Variants in NLGN2 observed in about 807,000 individuals in gnomAD.
NLGN2 encodes the protein neuroligin-2.
NLGN2 carries 11 observed loss-of-function variants against 48.6 expected under a neutral mutation model. The observed-to-expected ratio is 0.23, with a 90% CI of 0.14 to 0.37. NLGN2 has a LOEUF of 0.37. Among genes scored for constraint, NLGN2 ranks in the 10% least tolerant of loss-of-function variants. The pLI is 1.00. For synonymous variants in NLGN2, 548 were observed against 550.0 expected (o/e 1.00, Z 0.05); for missense variants, 801 against 1,225.2 (o/e 0.65, Z 5.17).
intron 5 of NLGN2, 92 bp from the exon 6 acceptor site, chr17:7,415,419 G>C (rs368469729): frequency 2.5e-6 from 3 of 1,190,980 alleles, no homozygotes; most frequent in Non-Finnish European, 3.8e-6. Flanking sequence ...GGTCTTGCAG[G>C]TAGAGGGAAG....
chr17:7,410,700 C>G lies in NLGN2; in HGVS notation c.458-1457C>G, dbSNP rs1031495110. ...ACCCCTGCCCCCACACCACCCTTGCCCACACCTTCTGTATTTTTAGCCACT... is the reference window on the plus strand; with the variant it reads ...ACCCCTGCCCCCACACCACCCTTGCGCACACCTTCTGTATTTTTAGCCACT... On this transcript the variant is annotated intron_variant, in intron 1 of 6. Transcript: ENST00000302926. Among the ~76,000 whole-genome samples, 7 of 152,230 alleles carry G rather than the reference C, an allele frequency of 4.6e-5. No individual in the cohort carries two copies. The East Asian group carries it at 1.3e-3, about 29-fold the overall frequency.
At chr17:7,416,465 T>C (rs908237228) in intron 6 of NLGN2, among the ~76,000 whole-genome samples, 1 of 152,146 alleles carries the variant, frequency 6.6e-6, no homozygotes, top group Admixed American at 6.5e-5. Context: ...TACTTCTGTC[T>C]CTGTCTCTCT....
At chr17:7,407,357 G>T (rs1266703161), upstream of NLGN2, among the ~76,000 whole-genome samples, 1 of 152,144 alleles carries the variant, frequency 6.6e-6, no homozygotes, top group Non-Finnish European at 1.5e-5. Flanking sequence ...AACTTCTGAC[G>T]GAGGAAATGG....
At chr17:7,407,238 C>A (rs1020785020), upstream of NLGN2, among the ~76,000 whole-genome samples, 1 of 152,146 alleles carries the variant, frequency 6.6e-6, no homozygotes, top group Admixed American at 6.5e-5. Flanking sequence ...GGTAACATTG[C>A]GGGGCAGCAT....
In NLGN2 at chr17:7,417,956, C is replaced by A; in HGVS notation, c.*157C>A. 1 of 585,444 alleles carries A rather than the reference C, an allele frequency of 1.7e-6. No individual in the cohort carries two copies. Among genetic ancestry groups the A allele is most frequent in the Non-Finnish European group, 2.5e-6 (1 of 396,642 alleles). 36.3% of individuals were successfully genotyped at this position (585,444 alleles called of 1,614,324 possible). A position where few individuals can be genotyped will look rare whatever the true frequency, so the allele number is the denominator to read the frequency against. On this transcript the variant is annotated 3_prime_UTR_variant, in exon 7 of 7. Transcript: ENST00000302926. ...TGGGATTCCTCCCTGCGATGCGTGTCTTTCCCACGCAGAGAAGCCCAGTCT... is the reference window on the plus strand; with the variant it reads ...TGGGATTCCTCCCTGCGATGCGTGTATTTCCCACGCAGAGAAGCCCAGTCT...
At position 7,417,300 on chromosome 17, in the gene NLGN2, G is replaced by A. The variant is rs1487960148; in HGVS notation, c.2009G>A (p.Arg670Gln). Residue 670 changes from arginine (R) to glutamine (Q), a missense_variant, in exon 7 of 7, where the codon CGG becomes CAG. This residue lies in a region of NLGN2 where 276 missense variants were observed against 313.9 expected (regional missense o/e 0.88). Transcript: ENST00000302926. The stretch of plus-strand genomic sequence containing the variant: ...TATGACCGCTTCCCCGGGGACTCAC[G>A]GGACTACTCCACGGAGCTGAGCGTC... ...RAYDRFPGDS[R>Q]DYSTELSVTV... 1.9e-6 allele frequency: 3 copies of A among 1,605,260 alleles called. No homozygotes were observed. Among genetic ancestry groups the A allele is most frequent in the Non-Finnish European group, 1.7e-6 (2 of 1,177,080 alleles).
rs1475787973 is a variant in NLGN2 at position 7,408,284 on chromosome 17, G to A, written c.29G>A (p.Gly10Glu). 6.7e-6 allele frequency: 9 copies of A among 1,345,836 alleles called. 1 individual carries two copies. Among genetic ancestry groups the A allele is most frequent in the Non-Finnish European group, 8.5e-6 (9 of 1,058,232 alleles). 83.4% of individuals were successfully genotyped at this position (1,345,836 alleles called of 1,614,324 possible). MWLLALCLV[G>E]LAGAQRGGGG... The stretch of plus-strand genomic sequence containing the variant: ...TGGCTCCTGGCGCTGTGTCTGGTGG[G>A]GCTGGCGGGGGCTCAACGCGGGGGA... Residue 10 changes from glycine to glutamate, a missense_variant, in exon 1 of 7, where the codon GGG (glycine) becomes GAG (glutamate). Gly to Glu is a moderately conservative substitution (Grantham distance 98). Transcript: ENST00000302926. This position sits in a 1 kb window ranked among gnomAD's most constrained non-coding sequence, Gnocchi z 7.5.
rs1203675474 is a variant in NLGN2, at chr17:7,408,588, C to T, written c.333C>T (p.His111=). The change falls in exon 1 of 7, where the codon CAC becomes CAT. Residue 111 remains histidine (H), a synonymous_variant. Transcript: ENST00000302926. This position sits in a 1 kb window ranked among gnomAD's most constrained non-coding sequence, Gnocchi z 7.5. ...TLPPACPQNL[H]GALPAIMLPV... ...CGCCCGCCTGCCCGCAGAACCTGCA[C>T]GGGGCGCTGCCCGCCATCATGCTGC... 8.9e-6 allele frequency: 14 copies of T among 1,572,890 alleles called. No homozygotes were observed. Among genetic ancestry groups the T allele is most frequent in the Non-Finnish European group, 1.0e-5 (12 of 1,161,368 alleles).
chr17:7,410,822 G>GCGCA (rs1906852694), intron 1 of NLGN2, among the ~76,000 whole-genome samples: 1 of 151,298 alleles, frequency 6.6e-6, no homozygotes, highest in African/African-American at 2.5e-5. Flanking sequence ...AGGCGCGCGC[G>GCGCA]CGCACACACA....
In NLGN2 at chr17:7,408,193, C is replaced by T; in HGVS notation, c.-63C>T. On this transcript the variant is annotated 5_prime_UTR_variant, in exon 1 of 7. Coordinates refer to ENST00000302926, the MANE Select transcript of NLGN2 (RefSeq NM_020795.4). The surrounding 1 kb of genome is among the most constrained non-coding windows in gnomAD (Gnocchi z 7.5). ...CGAGGGGGGCCTCCCTCCCTCTCCC[C>T]CCCTTCTCTCTCTCTCCGAGGGGGG... The T allele has an allele frequency of 3.2e-6, 3 of 929,132 alleles. No homozygotes were observed. The highest frequency in any genetic ancestry group is 2.6e-5 in the South Asian group (1 of 37,970). 57.6% of individuals were successfully genotyped at this position (929,132 alleles called of 1,614,324 possible).
chr17:7,412,328 A>G, intron 2 of NLGN2, 121 bp downstream of exon 2: 1 of 751,842 alleles, frequency 1.3e-6, no homozygotes, highest in Non-Finnish European at 2.3e-6. Context: ...AACTAAAATG[A>G]AAAAGAAAAG....
At chr17:7,415,368 C>A (rs1205146180) in intron 5 of NLGN2, 143 bp from the exon 6 acceptor site, 1 of 889,122 alleles carries the variant, frequency 1.1e-6, no homozygotes, top group Non-Finnish European at 1.8e-6. Context: ...GAGGCCAGAT[C>A]TCCCAAAGGA....
chr17:7,416,886 T>C (rs768479526), intron 6 of NLGN2, 40 bp from the exon 7 acceptor site: 5 of 1,609,142 alleles, frequency 3.1e-6, no homozygotes, highest in Non-Finnish European at 4.2e-6. Context: ...TTCAGAGCCT[T>C]GCCCTCACTC....
At position 7,408,836 on chromosome 17, in the gene NLGN2, G is replaced by A. The variant is rs1906766982; in HGVS notation, c.457+124G>A. 43 of 1,533,186 alleles carry A rather than the reference G, an allele frequency of 2.8e-5. No homozygotes were observed. The South Asian group carries it at 3.2e-4, about 12-fold the overall frequency. 95.0% of individuals were successfully genotyped at this position (1,533,186 alleles called of 1,614,324 possible). A position where few individuals can be genotyped will look rare whatever the true frequency, so the allele number is the denominator to read the frequency against. Reference sequence around the variant, plus strand: ...GGCCTTTGTGGGGGCAGTGAGGGACGGAGTGTCCCTGCAACCTCTACGTGC... The same window carrying A: ...GGCCTTTGTGGGGGCAGTGAGGGACAGAGTGTCCCTGCAACCTCTACGTGC... On this transcript the variant is annotated intron_variant, in intron 1 of 6. Transcript: ENST00000302926. The surrounding 1 kb of genome is among the most constrained non-coding windows in gnomAD (Gnocchi z 7.5).
In NLGN2 at chr17:7,417,682, A is replaced by T; in HGVS notation, c.2391A>T (p.Pro797=). The part of the protein sequence containing the change: ...ALTLLPSGLG[P]PPPPPPPSLH... Reference sequence around the variant, plus strand: ...CCCTGCTGCCCAGTGGCCTGGGGCCACCGCCACCCCCACCGCCCCCCTCCC... The same window carrying T: ...CCCTGCTGCCCAGTGGCCTGGGGCCTCCGCCACCCCCACCGCCCCCCTCCC... Residue 797 remains proline, a synonymous_variant, in exon 7 of 7, where the codon CCA becomes CCT. Coordinates refer to ENST00000302926, the MANE Select transcript of NLGN2 (RefSeq NM_020795.4). 1 of 724,892 alleles carries T rather than the reference A, an allele frequency of 1.4e-6. No homozygotes were observed. 44.9% of individuals were successfully genotyped at this position (724,892 alleles called of 1,614,324 possible). A position where few individuals can be genotyped will look rare whatever the true frequency, so the allele number is the denominator to read the frequency against.
chr17:7,417,649 G>A lies in NLGN2; in HGVS notation c.2358G>A (p.Gly786=), dbSNP rs1907179594. The A allele has an allele frequency of 7.1e-7, 1 of 1,400,764 alleles. No homozygotes were observed. The highest frequency in any genetic ancestry group is 1.5e-5 in the African/African-American group (1 of 65,846). 86.8% of individuals were successfully genotyped at this position (1,400,764 alleles called of 1,614,324 possible). A position where few individuals can be genotyped will look rare whatever the true frequency, so the allele number is the denominator to read the frequency against. Residue 786 remains glycine (G), a synonymous_variant, in exon 7 of 7, where the codon GGG becomes GGA. Coordinates refer to ENST00000302926, the MANE Select transcript of NLGN2 (RefSeq NM_020795.4). ...APDDVPLLAP[G]ALTLLPSGLG... is the part of the protein sequence containing the mutation. ...ACGATGTGCCTCTCTTGGCCCCCGG[G>A]GCCCTGACCCTGCTGCCCAGTGGCC...
Position 7,414,505 on chromosome 17 carries a change from C to A in NLGN2, c.658+12C>A. 6.2e-7 allele frequency: 1 copy of A among 1,611,878 alleles called. No individual in the cohort carries two copies. The highest frequency in any genetic ancestry group is 1.1e-5 in the South Asian group (1 of 91,056). ...TCTTGGGGTGCTCGGTGAGGGTGGG[C>A]AGCCAACTCTGGGGCTCGGGGGAGT... is the stretch of plus-strand genomic sequence containing the variant. On this transcript the variant is annotated intron_variant, in intron 3 of 6. Coordinates refer to ENST00000302926, the MANE Select transcript of NLGN2 (RefSeq NM_020795.4).
rs2150811428 is a variant in NLGN2, at chr17:7,408,521, C to T, written c.266C>T (p.Ala89Val). Residue 89 changes from alanine (A) to valine (V), a missense_variant, in exon 1 of 7, where the codon GCG (alanine) becomes GTG (valine). By Grantham distance (64) the Ala-to-Val change is moderately conservative. This residue lies in a region of NLGN2 where 164 missense variants were observed against 186.2 expected (regional missense o/e 0.88). Coordinates refer to ENST00000302926, the MANE Select transcript of NLGN2 (RefSeq NM_020795.4). The surrounding 1 kb of genome is among the most constrained non-coding windows in gnomAD (Gnocchi z 7.5). ...LGARRFQPPE[A>V]PASWPGVRNA... The stretch of plus-strand genomic sequence containing the variant: ...GCCCGCCGCTTCCAGCCGCCTGAGG[C>T]GCCCGCCTCGTGGCCCGGCGTGCGC... 2 of 1,531,774 alleles carry T rather than the reference C, an allele frequency of 1.3e-6. No individual in the cohort carries two copies. Among genetic ancestry groups the T allele is most frequent in the Non-Finnish European group, 1.7e-6 (2 of 1,143,628 alleles). The allele number at this position is 1,531,774 out of a possible 1,614,324, so 94.9% of individuals were successfully genotyped here.
intron 2 of NLGN2, among the ~76,000 whole-genome samples, chr17:7,414,089 C>T (rs933885402): frequency 2.0e-5 from 3 of 152,108 alleles, no homozygotes; most frequent in African/African-American, 7.2e-5. Context: ...CCAGCCTCTA[C>T]GGGGTTTCTT....
Sources: gnomAD v4.1 joint callset for allele counts (sites outside exome capture counted in the v4.1 genomes callset) on GRCh38, gnomAD v4.1.1 for gene constraint, gnomAD v4.1.1 regional missense constraint, Gnocchi (gnomAD v3.1) non-coding constraint, MANE v1.5 for transcripts, NCBI Gene and HGNC (gene_info 2026-07-23, HGNC 2026-07-21) for gene names.